Variants in ZNF704 observed in about 807,000 individuals in gnomAD.
ZNF704 encodes glucocorticoid induced gene 1.
A neutral mutation model predicts 44.7 loss-of-function variants in ZNF704; 10 were observed. That is an observed-to-expected ratio of 0.22 (90% CI 0.14 to 0.38). The LOEUF is 0.38. Ranked by LOEUF, ZNF704 falls within the 10% of genes least tolerant of loss-of-function variation. The probability of loss-of-function intolerance (pLI) is 1.00; values close to 1 mark genes in which losing one functional copy is unlikely to be tolerated. For missense variants in ZNF704, 390 were observed against 545.5 expected (o/e 0.71, Z 2.84); for synonymous variants, 211 against 207.6 (o/e 1.02, Z -0.14).
intron 1 of ZNF704, among the ~76,000 whole-genome samples, chr8:80,857,054 T>C (rs190230796): frequency 6.6e-5 from 10 of 152,170 alleles, no homozygotes; most frequent in African/African-American, 2.4e-4. Context: ...CATACCTTTT[T>C]TGTACATTTT....
chr8:80,726,657 G>T (rs987153954), intron 2 of ZNF704, among the ~76,000 whole-genome samples: 5 of 151,960 alleles, frequency 3.3e-5, no homozygotes, highest in African/African-American at 4.8e-5. Flanking sequence ...TACTGAACTG[G>T]GATGATGGAC....
At chr8:80,861,833 C>A (rs1809066485) in intron 1 of ZNF704, among the ~76,000 whole-genome samples, 1 of 151,690 alleles carries the variant, frequency 6.6e-6, no homozygotes, top group African/African-American at 2.4e-5. Flanking sequence ...ACAGGTATGT[C>A]AAACTTAACA....
chr8:80,652,326 A>G (rs1183173180), intron 7 of ZNF704, among the ~76,000 whole-genome samples: 1 of 151,992 alleles, frequency 6.6e-6, no homozygotes, highest in Non-Finnish European at 1.5e-5. Context: ...TCAGAGCAGA[A>G]CTGAAAGAAA....
At position 80,815,828 on chromosome 8, in the gene ZNF704, G is replaced by A. The variant is rs73262575; in HGVS notation, c.221+5546C>T. On this transcript the variant is annotated intron_variant, in intron 2 of 8. Transcript: ENST00000327835. ...AAGCCTCATGGCTGAATTTGCTTCTGTGTCTGGAGAACTTCCTAGCACAGA... is the reference window on the plus strand; with the variant it reads ...AAGCCTCATGGCTGAATTTGCTTCTATGTCTGGAGAACTTCCTAGCACAGA... Among the ~76,000 whole-genome samples the A allele has an allele frequency of 4.2e-3, 635 of 152,302 alleles. 3 individuals carry two copies. The highest frequency in any genetic ancestry group is 0.014 in the African/African-American group (586 of 41,546).
intron 2 of ZNF704, among the ~76,000 whole-genome samples, chr8:80,747,525 A>C (rs1261340285): frequency 6.6e-6 from 1 of 152,168 alleles, no homozygotes; most frequent in Non-Finnish European, 1.5e-5. Flanking sequence ...CTTTCCAAAT[A>C]CTGTGGCATT....
chr8:80,701,367 G>A (rs1031004847), intron 2 of ZNF704, among the ~76,000 whole-genome samples: 8 of 151,962 alleles, frequency 5.3e-5, no homozygotes, highest in African/African-American at 1.9e-4. Context: ...AACCCAAGCA[G>A]CAGACGCCCT....
intron 4 of ZNF704, among the ~76,000 whole-genome samples, chr8:80,678,496 A>G (rs1563515871): frequency 6.6e-6 from 1 of 152,244 alleles, no homozygotes; most frequent in South Asian, 2.1e-4. Context: ...TAAGGCAATA[A>G]GAGCTTAAGA....
At chr8:80,806,492 T>C (rs1165855605) in intron 2 of ZNF704, among the ~76,000 whole-genome samples, 1 of 152,202 alleles carries the variant, frequency 6.6e-6, no homozygotes, top group Admixed American at 6.5e-5. Flanking sequence ...TTTTTCTTTA[T>C]GTGGACAATC....
intron 2 of ZNF704, among the ~76,000 whole-genome samples, chr8:80,708,729 TACTC>T (rs141737937): frequency 1.3e-5 from 2 of 152,352 alleles, no homozygotes; most frequent in East Asian, 3.9e-4. Context: ...ATGTTGGAAT[TACTC>T]ATTCAATCTA....
chr8:80,655,678 C>T (rs1357281641), intron 7 of ZNF704, among the ~76,000 whole-genome samples: 1 of 152,164 alleles, frequency 6.6e-6, no homozygotes, highest in Non-Finnish European at 1.5e-5. Flanking sequence ...GCAAGTAAGC[C>T]TCACACTAAA....
chr8:80,717,861 T>C (rs546392783), intron 2 of ZNF704, among the ~76,000 whole-genome samples: 1 of 152,334 alleles, frequency 6.6e-6, no homozygotes, highest in Non-Finnish European at 1.5e-5. Flanking sequence ...CCTCTTAGCA[T>C]GCCATTCGAG....
intron 1 of ZNF704, among the ~76,000 whole-genome samples, chr8:80,858,136 G>A (rs1808994494): frequency 6.6e-6 from 1 of 151,898 alleles, no homozygotes; most frequent in South Asian, 2.1e-4. Flanking sequence ...TCCTGAACTG[G>A]CAATCTGTGC....
chr8:80,852,797 T>C (rs905527722), intron 1 of ZNF704, among the ~76,000 whole-genome samples: 29 of 152,176 alleles, frequency 1.9e-4, no homozygotes, highest in African/African-American at 6.8e-4. Flanking sequence ...AGATTTATGT[T>C]TCTCACTGAA....
chr8:80,724,281 C>T lies in ZNF704; in HGVS notation c.222-31174G>A, dbSNP rs561418647. Among the ~76,000 whole-genome samples the T allele has an allele frequency of 3.2e-4, 49 of 152,188 alleles. No homozygotes were observed. In the South Asian group the frequency reaches 9.8e-3, roughly 30 times the overall value. ...TCCTTTAGGGAGTCAAAGATGGTGTCAATAATAAATCAAATAAAACCCATG... is the reference window on the plus strand; with the variant it reads ...TCCTTTAGGGAGTCAAAGATGGTGTTAATAATAAATCAAATAAAACCCATG... On this transcript the variant is annotated intron_variant, in intron 2 of 8. Coordinates refer to ENST00000327835, the MANE Select transcript of ZNF704 (RefSeq NM_001033723.3).
In ZNF704 at chr8:80,691,808, C is replaced by G. The variant is rs79261805; in HGVS notation, c.325+1196G>C. ...ATTGTCTTCTTCAGCAACTTCAGCT[C>G]TTGAACCAAACATTTGCCAATACAT... is the stretch of plus-strand genomic sequence containing the variant. On this transcript the variant is annotated intron_variant, in intron 3 of 8. Coordinates refer to ENST00000327835, the MANE Select transcript of ZNF704 (RefSeq NM_001033723.3). Among the ~76,000 whole-genome samples, 158 of 152,314 alleles carry G rather than the reference C, an allele frequency of 1.0e-3. 1 individual carries two copies. The East Asian group carries it at 0.028, about 27-fold the overall frequency.
chr8:80,799,575 G>C (rs1006184542), intron 2 of ZNF704, among the ~76,000 whole-genome samples: 3 of 152,094 alleles, frequency 2.0e-5, no homozygotes, highest in African/African-American at 7.2e-5. Context: ...CAGGACAGTG[G>C]CTTGACTGTT....
intron 2 of ZNF704, chr8:80,814,156 G>A (rs1808138084): frequency 6.6e-6 from 1 of 152,182 alleles, no homozygotes; most frequent in African/African-American, 2.4e-5. Context: ...AGAGTAAGAA[G>A]GGAGACAGAA....
At position 80,833,859 on chromosome 8, in the gene ZNF704, G is replaced by C. The variant is rs1022966575; in HGVS notation, c.-21-12244C>G. On this transcript the variant is annotated intron_variant, in intron 1 of 8. Transcript: ENST00000327835. The stretch of plus-strand genomic sequence containing the variant: ...GGAAACCTCAAATCTGTCTGCCAGA[G>C]GAGTTTGGGAATAGGGTTTTTAGGG... Among the ~76,000 whole-genome samples, 30 of 152,304 alleles carry C rather than the reference G, an allele frequency of 2.0e-4. 1 individual carries two copies. The highest frequency in any genetic ancestry group is 2.1e-4 in the South Asian group (1 of 4,820).
intron 2 of ZNF704, among the ~76,000 whole-genome samples, chr8:80,759,279 A>G (rs1184142224): frequency 6.8e-6 from 1 of 146,246 alleles, no homozygotes; most frequent in African/African-American, 2.5e-5. Context: ...TTTTTTTTCC[A>G]GGGCCTTTTT....
Sources: gnomAD v4.1 joint callset for allele counts (sites outside exome capture counted in the v4.1 genomes callset) on GRCh38, gnomAD v4.1.1 for gene constraint, MANE v1.5 for transcripts, NCBI Gene and HGNC (gene_info 2026-07-23, HGNC 2026-07-21) for gene names.